Variants in BEND4 observed in about 807,000 individuals in gnomAD.
BEND4 encodes the protein BEN domain containing 4, also known as BEN domain-containing protein 4.
BEND4 carries 27 observed loss-of-function variants against 54.7 expected under a neutral mutation model. That is an observed-to-expected ratio of 0.49 (90% CI 0.36 to 0.68). The LOEUF is 0.68. BEND4 is among the 30% of genes least tolerant of loss of function. The probability of loss-of-function intolerance (pLI) is 0.00; values close to 1 mark genes in which losing one functional copy is unlikely to be tolerated. For synonymous variants in BEND4, 327 were observed against 299.5 expected, an observed-to-expected ratio of 1.09 and a Z score of -0.95; for missense variants, 702 against 697.2, an observed-to-expected ratio of 1.01 and a Z score of -0.08.
chr4:42,126,067 C>T (rs1457405411), intron 3 of BEND4, among the ~76,000 whole-genome samples: 5 of 150,612 alleles, frequency 3.3e-5, no homozygotes, highest in Non-Finnish European at 5.9e-5. Flanking sequence ...ATGCAAACTT[C>T]CAAAAAAAAA....
chr4:42,115,285 C>G lies in BEND4; in HGVS notation c.*2233G>C, dbSNP rs889102025. 1 of 152,244 alleles carries G rather than the reference C, an allele frequency of 6.6e-6. No individual in the cohort carries two copies. Among genetic ancestry groups the G allele is most frequent in the Non-Finnish European group, 1.5e-5 (1 of 68,072 alleles). 9.4% of individuals were successfully genotyped at this position (152,244 alleles called of 1,614,324 possible). On this transcript the variant is annotated 3_prime_UTR_variant, in exon 6 of 6. Transcript: ENST00000502486. ...GGACAGCAGCCTTCTCAGGAGGTAA[C>G]AGTGACAGCCAAAACACAGGCTGCT...
chr4:42,138,855 T>G (rs1720788144), intron 3 of BEND4, among the ~76,000 whole-genome samples: 1 of 152,238 alleles, frequency 6.6e-6, no homozygotes, highest in Admixed American at 6.5e-5. Context: ...CCAGAGTTTT[T>G]CACATTTAGT....
rs912043111 is a variant in BEND4 at position 42,111,959 on chromosome 4, A to G, written c.*5559T>C. The G allele has an allele frequency of 2.0e-5, 3 of 152,234 alleles. No homozygotes were observed. Among genetic ancestry groups the G allele is most frequent in the Non-Finnish European group, 2.9e-5 (2 of 68,044 alleles). 9.4% of individuals were successfully genotyped at this position (152,234 alleles called of 1,614,324 possible). A position where few individuals can be genotyped will look rare whatever the true frequency, so the allele number is the denominator to read the frequency against. On this transcript the variant is annotated 3_prime_UTR_variant, in exon 6 of 6. Coordinates refer to ENST00000502486, the MANE Select transcript of BEND4 (RefSeq NM_207406.4). ...TGGTCTTCATCATAGGATCTTACGT[A>G]GGTCAAGCCTTATACAGAAACCTGG...
At chr4:42,134,125 T>A (rs886310346) in intron 3 of BEND4, among the ~76,000 whole-genome samples, 5 of 152,202 alleles carry the variant, frequency 3.3e-5, no homozygotes, top group Non-Finnish European at 7.3e-5. Flanking sequence ...CTGCTCAGAT[T>A]CTGGTTTTGC....
rs1348061334 is a variant in BEND4, at chr4:42,152,047, T to G, written c.97A>C (p.Lys33Gln). The change falls in exon 2 of 6, where the codon AAG becomes CAG. Residue 33 changes from lysine to glutamine, a missense_variant. Physicochemically the swap from Lys to Gln is moderately conservative, Grantham distance 53. Coordinates refer to ENST00000502486, the MANE Select transcript of BEND4 (RefSeq NM_207406.4). ...PYSVLKTFPS[K>Q]RPALAKRYER... The stretch of plus-strand genomic sequence containing the variant: ...TAGCGCTTGGCCAGCGCCGGTCTCT[T>G]GCTGGGGAACGTCTTGAGGACGCTG... The G allele has an allele frequency of 8.0e-7, 1 of 1,251,440 alleles. No homozygotes were observed. Among genetic ancestry groups the G allele is most frequent in the Non-Finnish European group, 1.0e-6 (1 of 990,946 alleles). The allele number at this position is 1,251,440 out of a possible 1,614,324, so 77.5% of individuals were successfully genotyped here.
At chr4:42,130,036 C>T (rs1418725663) in intron 3 of BEND4, among the ~76,000 whole-genome samples, 4 of 152,148 alleles carry the variant, frequency 2.6e-5, no homozygotes, top group African/African-American at 9.7e-5. Flanking sequence ...CTACAAGGAA[C>T]TTAAACAAAT....
chr4:42,133,841 G>A (rs1427850399), intron 3 of BEND4, among the ~76,000 whole-genome samples: 2 of 152,192 alleles, frequency 1.3e-5, no homozygotes, highest in African/African-American at 4.8e-5. Flanking sequence ...GCAACAGAGC[G>A]AGACTTCGTC....
At chr4:42,140,656 G>T (rs946187317) in intron 3 of BEND4, among the ~76,000 whole-genome samples, 1 of 152,182 alleles carries the variant, frequency 6.6e-6, no homozygotes, top group African/African-American at 2.4e-5. Context: ...GACCTGCTAT[G>T]GGTTCGGTAA....
intron 5 of BEND4, 48 bp from the exon 6 acceptor site, chr4:42,117,783 T>C: frequency 1.5e-6 from 2 of 1,352,072 alleles, no homozygotes; most frequent in Non-Finnish European, 2.0e-6. Context: ...AAAAAACAGC[T>C]GGTTTTTGCA....
At chr4:42,126,965 G>C (rs73812738) in intron 3 of BEND4, among the ~76,000 whole-genome samples, 1,796 of 152,312 alleles carry the variant, frequency 0.012, 17 homozygotes, top group African/African-American at 0.025. Context: ...TCTTAGCTGT[G>C]TGTTTTCTTA....
At chr4:42,139,154 T>G (rs1720798480) in intron 3 of BEND4, among the ~76,000 whole-genome samples, 1 of 152,188 alleles carries the variant, frequency 6.6e-6, no homozygotes, top group Non-Finnish European at 1.5e-5. Flanking sequence ...TCTTCTGCTT[T>G]TGTGGTTTTT....
chr4:42,115,053 G>T lies in BEND4; in HGVS notation c.*2465C>A, dbSNP rs58352691. 8,610 of 152,360 alleles carry T rather than the reference G, an allele frequency of 0.057. 270 individuals are homozygous for T. The highest frequency in any genetic ancestry group is 0.065 in the Non-Finnish European group (4,445 of 68,074). 9.4% of individuals were successfully genotyped at this position (152,360 alleles called of 1,614,324 possible). Reference sequence around the variant, plus strand: ...TCACTCAGGCAAAAGCTGTAGGTCCGAGACCCAGCAGAGGAGTTAGAACTG... The same window carrying T: ...TCACTCAGGCAAAAGCTGTAGGTCCTAGACCCAGCAGAGGAGTTAGAACTG... On this transcript the variant is annotated 3_prime_UTR_variant, in exon 6 of 6. Transcript: ENST00000502486.
At chr4:42,147,258 C>A (rs866646956) in intron 2 of BEND4, among the ~76,000 whole-genome samples, 1 of 152,016 alleles carries the variant, frequency 6.6e-6, no homozygotes. Flanking sequence ...AAAAATATTA[C>A]CATTACATTC....
At chr4:42,128,184 C>G (rs943467309) in intron 3 of BEND4, among the ~76,000 whole-genome samples, 1 of 152,144 alleles carries the variant, frequency 6.6e-6, no homozygotes. Context: ...CAAAAAGACG[C>G]ATATGAAAAA....
In BEND4 at chr4:42,114,842, A is replaced by C. The variant is rs1462612589; in HGVS notation, c.*2676T>G. 1 of 152,326 alleles carries C rather than the reference A, an allele frequency of 6.6e-6. No homozygotes were observed. The highest frequency in any genetic ancestry group is 1.5e-5 in the Non-Finnish European group (1 of 68,094). 9.4% of individuals were successfully genotyped at this position (152,326 alleles called of 1,614,324 possible). On this transcript the variant is annotated 3_prime_UTR_variant, in exon 6 of 6. Coordinates refer to ENST00000502486, the MANE Select transcript of BEND4 (RefSeq NM_207406.4). ...CATACCAGCCTTAAAGGTGAAGCTCAAGGGGCAGTGTGGATATGTCCCAAG... is the reference window on the plus strand; with the variant it reads ...CATACCAGCCTTAAAGGTGAAGCTCCAGGGGCAGTGTGGATATGTCCCAAG...
chr4:42,151,960 A>G lies in BEND4; in HGVS notation c.184T>C (p.Phe62Leu). ...ATGGAGACGGCGGCGTGCGGCGCGA[A>G]GGGCGGCGGGGGCGGCGGGGGCGCC... is the stretch of plus-strand genomic sequence containing the variant. ...VRAPPPPPPP[F>L]APHAAVSISS... Residue 62 changes from phenylalanine to leucine, a missense_variant, in exon 2 of 6, where the codon TTC becomes CTC. Phe to Leu is a conservative substitution (Grantham distance 22). Transcript: ENST00000502486. 8.0e-7 allele frequency: 1 copy of G among 1,246,848 alleles called. No homozygotes were observed. 77.2% of individuals were successfully genotyped at this position (1,246,848 alleles called of 1,614,324 possible).
At position 42,113,533 on chromosome 4, in the gene BEND4, G is replaced by A. The variant is rs558830223; in HGVS notation, c.*3985C>T. On this transcript the variant is annotated 3_prime_UTR_variant, in exon 6 of 6. Transcript: ENST00000502486. ...CATTGAGAGCGGCAGGGGAATGTAG[G>A]AATCATAAACCTACAGATTCGAAGT... The A allele has an allele frequency of 3.9e-5, 6 of 152,144 alleles. No homozygotes were observed. Among genetic ancestry groups the A allele is most frequent in the Admixed American group, 6.5e-5 (1 of 15,276 alleles). 9.4% of individuals were successfully genotyped at this position (152,144 alleles called of 1,614,324 possible).
At position 42,138,184 on chromosome 4, in the gene BEND4, T is replaced by C. The variant is rs145400902; in HGVS notation, c.1054+5244A>G. Among the ~76,000 whole-genome samples, 50 of 152,328 alleles carry C rather than the reference T, an allele frequency of 3.3e-4. 1 individual carries two copies. Among genetic ancestry groups the C allele is most frequent in the African/African-American group, 1.2e-3 (48 of 41,592 alleles). On this transcript the variant is annotated intron_variant, in intron 3 of 5. Transcript: ENST00000502486. Reference sequence around the variant, plus strand: ...AATAGCCAAGACATGGAAACAACCTTGTCTGTCAACAGACAAGTGGATAAA... The same window carrying C: ...AATAGCCAAGACATGGAAACAACCTCGTCTGTCAACAGACAAGTGGATAAA...
At chr4:42,119,893 A>C (rs745903539) in intron 5 of BEND4, 161 bp downstream of exon 5, 1 of 862,534 alleles carries the variant, frequency 1.2e-6, no homozygotes, top group Non-Finnish European at 1.8e-6. Context: ...AGGTTTTTAA[A>C]AGAGCTTCTC....
Sources: gnomAD v4.1 joint callset for allele counts (sites outside exome capture counted in the v4.1 genomes callset) on GRCh38, gnomAD v4.1.1 for gene constraint, MANE v1.5 for transcripts, NCBI Gene and HGNC (gene_info 2026-07-23, HGNC 2026-07-21) for gene names.